R3HDM2: variants seen among roughly 807,000 people sequenced by gnomAD.
R3HDM2 encodes R3H domain containing 2, also known as R3H domain-containing protein 2.
In R3HDM2, 38 loss-of-function variants were observed where a neutral mutation model predicts 124.5. The ratio of observed to expected loss-of-function variants is 0.31; its 90% confidence interval spans 0.24 to 0.40. The LOEUF is 0.40. Ranked by LOEUF, R3HDM2 falls within the 10% of genes least tolerant of loss-of-function variation. The probability of loss-of-function intolerance (pLI) is 1.00; values close to 1 mark genes in which losing one functional copy is unlikely to be tolerated. For missense variants in R3HDM2, 869 were observed against 1,236.9 expected (o/e 0.70, Z 4.46); for synonymous variants, 391 against 448.0 (o/e 0.87, Z 1.61).
intron 2 of R3HDM2, among the ~76,000 whole-genome samples, chr12:57,332,410 CAAAAA>C (rs10653446): frequency 6.6e-5 from 4 of 60,694 alleles, no homozygotes; most frequent in East Asian, 6.1e-4. Context: ...GACCCTGTCT[CAAAAA>C]AAAAAAAAAA....
chr12:57,304,575 T>C (rs1312130326), intron 3 of R3HDM2: 2 of 914,240 alleles, frequency 2.2e-6, no homozygotes, highest in African/African-American at 1.8e-5. Context: ...GGAAGGTGGA[T>C]GGAAAGAATA....
chr12:57,323,361 G>C (rs557739731), intron 2 of R3HDM2, among the ~76,000 whole-genome samples: 14 of 152,312 alleles, frequency 9.2e-5, no homozygotes, highest in Admixed American at 8.5e-4. Flanking sequence ...GAATATATGG[G>C]AATAGAGTGT....
chr12:57,391,933 G>A (rs967766200), intron 2 of R3HDM2, among the ~76,000 whole-genome samples: 15 of 152,282 alleles, frequency 9.9e-5, no homozygotes, highest in Admixed American at 4.6e-4. Context: ...AGGCTGAGGC[G>A]GGTGGATTAC....
intron 3 of R3HDM2, chr12:57,304,662 G>A (rs1282767761): frequency 3.4e-6 from 1 of 292,674 alleles, no homozygotes; most frequent in Non-Finnish European, 5.1e-6. Context: ...ATATGAAGCA[G>A]TATTTGTCAC....
chr12:57,262,161 G>C (rs976310055), intron 19 of R3HDM2, among the ~76,000 whole-genome samples: 9 of 152,182 alleles, frequency 5.9e-5, no homozygotes, highest in African/African-American at 2.2e-4. Context: ...TTAAAAGATA[G>C]AATCCAATAA....
chr12:57,274,042 C>CATCT, intron 14 of R3HDM2, among the ~76,000 whole-genome samples: 1 of 152,184 alleles, frequency 6.6e-6, no homozygotes, highest in East Asian at 1.9e-4. Context: ...CCAAATATAA[C>CATCT]TGATGGACAA....
intron 15 of R3HDM2, 98 bp from the exon 16 acceptor site, chr12:57,269,547 T>C (rs1391780110): frequency 1.3e-6 from 2 of 1,515,492 alleles, no homozygotes; most frequent in East Asian, 2.3e-5. Flanking sequence ...GCCAGAAATA[T>C]GTAAACGGAG....
At position 57,269,100 on chromosome 12, in the gene R3HDM2, A is replaced by G. The variant is rs200017074; in HGVS notation, c.1715-18T>C. On this transcript the variant is annotated intron_variant, in intron 16 of 23. Coordinates refer to ENST00000402412, the MANE Select transcript of R3HDM2 (RefSeq NM_001394031.1). ...CTGTAAACCTAGAGATGGGCAAGGC[A>G]GAAAATACATTAGTATGAATGTTTA... is the stretch of plus-strand genomic sequence containing the variant. 127 of 1,613,682 alleles carry G rather than the reference A, an allele frequency of 7.9e-5. No homozygotes were observed. Among genetic ancestry groups the G allele is most frequent in the Non-Finnish European group, 9.9e-5 (117 of 1,179,736 alleles).
At chr12:57,297,926 T>C (rs1393187906) in intron 7 of R3HDM2, 164 bp downstream of exon 7, 7 of 625,696 alleles carry the variant, frequency 1.1e-5, no homozygotes, top group South Asian at 5.8e-5. Flanking sequence ...TGAGAGTATT[T>C]TGAATCCCTC....
chr12:57,300,035 T>C, intron 5 of R3HDM2, 60 bp downstream of exon 5: 2 of 1,273,642 alleles, frequency 1.6e-6, no homozygotes, highest in South Asian at 2.6e-5. Context: ...ACTGCCATAC[T>C]ACATCTTACC....
At chr12:57,375,698 G>A (rs528737346) in intron 2 of R3HDM2, among the ~76,000 whole-genome samples, 102 of 146,832 alleles carry the variant, frequency 6.9e-4, no homozygotes, top group Non-Finnish European at 1.1e-3. Context: ...TTTTGAGACG[G>A]AGTCTTGCTC....
Position 57,256,459 on chromosome 12 carries a change from G to A in R3HDM2, c.2502C>T (p.Ile834=). 1 of 1,599,670 alleles carries A rather than the reference G, an allele frequency of 6.3e-7. No individual in the cohort carries two copies. The change falls in exon 22 of 24, where the codon ATC becomes ATT. Residue 834 remains isoleucine (I), a synonymous_variant. Transcript: ENST00000402412. The part of the protein sequence containing the change: ...LGQPLQYNLS[I]CPPLLHGQST... ...ACTGGCCATGGAGCAAGGGAGGGCAGATGGACAGATTGTACTGTAATGGCT... is the reference window on the plus strand; with the variant it reads ...ACTGGCCATGGAGCAAGGGAGGGCAAATGGACAGATTGTACTGTAATGGCT...
chr12:57,359,891 A>G (rs1171778872), intron 2 of R3HDM2, among the ~76,000 whole-genome samples: 2 of 151,502 alleles, frequency 1.3e-5, no homozygotes, highest in African/African-American at 2.4e-5. Flanking sequence ...TTAAAGTAAT[A>G]TATCACTTCA....
chr12:57,270,724 G>A (rs2043415054), intron 14 of R3HDM2, among the ~76,000 whole-genome samples: 2 of 151,544 alleles, frequency 1.3e-5, no homozygotes, highest in Admixed American at 1.3e-4. Flanking sequence ...GTGAGCCACC[G>A]CACCAGCCTT....
At position 57,256,027 on chromosome 12, in the gene R3HDM2, G is replaced by C. The variant is rs192913679; in HGVS notation, c.2595C>G (p.Leu865=). Residue 865 remains leucine (L), a synonymous_variant, in exon 23 of 24, where the codon CTC becomes CTG. Transcript: ENST00000402412. ...TCCCCAGGTCAGTGGAGGCAGATTT[G>C]AGTGCTTGTCTCTTGCCCCGGTTTC... ...KHGNRGKRQA[L]KSASTDLGTA... The C allele has an allele frequency of 2.0e-5, 33 of 1,614,106 alleles. No homozygotes were observed. In the Admixed American group the frequency reaches 5.5e-4, roughly 27 times the overall value.
intron 1 of R3HDM2, among the ~76,000 whole-genome samples, chr12:57,417,252 A>AAT (rs1461734207): frequency 1.3e-5 from 2 of 151,112 alleles, no homozygotes; most frequent in Non-Finnish European, 3.0e-5. Context: ...AAAAATACAA[A>AAT]ATTAGGCCTG....
chr12:57,273,205 G>A (rs1313536370), intron 14 of R3HDM2, among the ~76,000 whole-genome samples: 1 of 152,122 alleles, frequency 6.6e-6, no homozygotes, highest in Admixed American at 6.5e-5. Flanking sequence ...ACAGCAATAT[G>A]AAAAATCCAC....
intron 2 of R3HDM2, among the ~76,000 whole-genome samples, chr12:57,368,224 A>G (rs1479767902): frequency 2.0e-5 from 3 of 151,886 alleles, no homozygotes; most frequent in African/African-American, 4.8e-5. Context: ...TTCAATGTGT[A>G]TATATATATA....
chr12:57,407,376 C>T (rs1250832522), intron 1 of R3HDM2, among the ~76,000 whole-genome samples: 1 of 151,776 alleles, frequency 6.6e-6, no homozygotes, highest in Non-Finnish European at 1.5e-5. Context: ...GAAATATGAA[C>T]ACCAGATATT....
Sources: gnomAD v4.1 joint callset for allele counts (sites outside exome capture counted in the v4.1 genomes callset) on GRCh38, gnomAD v4.1.1 for gene constraint, MANE v1.5 for transcripts, NCBI Gene and HGNC (gene_info 2026-07-23, HGNC 2026-07-21) for gene names.